Variants in ARMC2 observed in about 807,000 individuals in gnomAD.
The protein encoded by ARMC2 is armadillo repeat containing 2.
A neutral mutation model predicts 90.3 loss-of-function variants in ARMC2; 67 were observed. The observed-to-expected ratio is 0.74, with a 90% CI of 0.61 to 0.91. The LOEUF is 0.91. ARMC2 is among the 40% of genes least tolerant of loss of function. ARMC2 has a pLI of 0.00. For synonymous variants in ARMC2, 393 were observed against 393.0 expected, an observed-to-expected ratio of 1.00 and a Z score of 0.00; for missense variants, 920 against 1,030.9, an observed-to-expected ratio of 0.89 and a Z score of 1.47.
At chr6:109,020,372 A>T in the ARMC2 span, among the ~76,000 whole-genome samples, 1 of 152,220 alleles carries the variant, frequency 6.6e-6, no homozygotes, top group South Asian at 2.1e-4. Flanking sequence ...TCAAGTTACC[A>T]TTAAAATAAT....
intron 5 of ARMC2, among the ~76,000 whole-genome samples, chr6:108,884,153 A>T (rs1777854306): frequency 6.6e-6 from 1 of 152,194 alleles, no homozygotes; most frequent in South Asian, 2.1e-4. Flanking sequence ...TCTGTCCGAT[A>T]AGCGTTTCCT....
At chr6:109,041,003 A>C in the ARMC2 span, among the ~76,000 whole-genome samples, 4 of 152,084 alleles carry the variant, frequency 2.6e-5, no homozygotes, top group East Asian at 7.8e-4. Context: ...CAGAGTGTGC[A>C]TCATTTCAAA....
rs149728025 is a variant in ARMC2, at chr6:108,895,444, G to A, written c.748+901G>A. Among the ~76,000 whole-genome samples, 612 of 140,094 alleles carry A rather than the reference G, an allele frequency of 4.4e-3. 3 individuals are homozygous for A. The highest frequency in any genetic ancestry group is 0.015 in the African/African-American group (567 of 37,184). The allele number at this position is 140,094 out of a possible 152,430, so 91.9% of individuals were successfully genotyped here. A position where few individuals can be genotyped will look rare whatever the true frequency, so the allele number is the denominator to read the frequency against. On this transcript the variant is annotated intron_variant, in intron 6 of 17. Transcript: ENST00000392644. ...GTTTGCAGTGAGTCTAGACCACGCC[G>A]CTGCACTCCAGCCTGGGCGACAGAG...
intron 17 of ARMC2, among the ~76,000 whole-genome samples, chr6:108,971,443 CT>C (rs1778758688): frequency 6.6e-6 from 1 of 152,138 alleles, no homozygotes; most frequent in South Asian, 2.1e-4. Flanking sequence ...TAGTTGACCA[CT>C]TGGTTGTGAT....
At chr6:109,013,845 T>C in the ARMC2 span, among the ~76,000 whole-genome samples, 44 of 152,348 alleles carry the variant, frequency 2.9e-4, no homozygotes, top group African/African-American at 1.1e-3. Context: ...TACTTCTGCT[T>C]ACTAATTTTG....
intron 7 of ARMC2, among the ~76,000 whole-genome samples, chr6:108,901,600 A>G (rs1583055431): frequency 2.7e-5 from 4 of 149,378 alleles, no homozygotes; most frequent in Admixed American, 2.7e-4. Context: ...TATTTTTTGT[A>G]GAGATGGGAT....
chr6:109,009,036 C>T, the ARMC2 span: 2 of 984,816 alleles, frequency 2.0e-6, no homozygotes, highest in Non-Finnish European at 2.5e-6. Flanking sequence ...GGAGACTTGT[C>T]CAGACGACAA....
At chr6:109,032,346 C>T in the ARMC2 span, among the ~76,000 whole-genome samples, 2 of 152,084 alleles carry the variant, frequency 1.3e-5, no homozygotes, top group African/African-American at 2.4e-5. Flanking sequence ...AGGCTGGGCG[C>T]AGTGGCTCAC....
chr6:109,045,800 C>G, the ARMC2 span, among the ~76,000 whole-genome samples: 1 of 152,304 alleles, frequency 6.6e-6, no homozygotes, highest in East Asian at 1.9e-4. Context: ...CTGTGAGCTC[C>G]TTGAGAATGA....
chr6:108,894,358 G>A (rs1470648288), intron 5 of ARMC2, 109 bp from the exon 6 acceptor site: 19 of 909,976 alleles, frequency 2.1e-5, no homozygotes, highest in Non-Finnish European at 3.1e-5. Context: ...GACAGAGTGA[G>A]ACCTATCTCA....
At chr6:108,941,704 C>T (rs911477) in intron 12 of ARMC2, among the ~76,000 whole-genome samples, 87,511 of 151,976 alleles carry the variant, frequency 0.58, 25,826 homozygotes, top group East Asian at 0.88. Context: ...TGTAAATTCC[C>T]GGTTCTTCAG....
intron 4 of ARMC2, among the ~76,000 whole-genome samples, chr6:108,870,844 C>T (rs1776331061): frequency 6.6e-6 from 1 of 152,180 alleles, no homozygotes; most frequent in Non-Finnish European, 1.5e-5. Flanking sequence ...AAAGTTCTGT[C>T]CTCAGAGAGC....
chr6:108,981,036 G>GTA, the ARMC2 span, among the ~76,000 whole-genome samples: 67 of 152,302 alleles, frequency 4.4e-4, no homozygotes, highest in Middle Eastern at 3.4e-3. Context: ...GTAAGTATAT[G>GTA]CTGGTAGATT....
At chr6:108,893,238 G>A (rs979024943) in intron 5 of ARMC2, among the ~76,000 whole-genome samples, 3 of 152,104 alleles carry the variant, frequency 2.0e-5, no homozygotes, top group African/African-American at 7.2e-5. Context: ...ATCATCTGGG[G>A]ACTGTCCAAA....
chr6:109,035,894 A>G, the ARMC2 span, among the ~76,000 whole-genome samples: 1 of 152,174 alleles, frequency 6.6e-6, no homozygotes, highest in East Asian at 1.9e-4. Context: ...AGACGTGACC[A>G]CTGCACCACT....
At chr6:109,002,181 GT>G in the ARMC2 span, 3 of 1,045,522 alleles carry the variant, frequency 2.9e-6, no homozygotes, top group East Asian at 2.5e-5. Flanking sequence ...ACTAAAACAT[GT>G]TGTTGACCAA....
At chr6:108,960,847 G>A (rs1777950667) in intron 13 of ARMC2, among the ~76,000 whole-genome samples, 1 of 152,190 alleles carries the variant, frequency 6.6e-6, no homozygotes, top group African/African-American at 2.4e-5. Flanking sequence ...CAAGAGGCCA[G>A]GAGGCTGGTG....
the ARMC2 span, chr6:109,002,139 T>C: frequency 1.5e-6 from 1 of 646,494 alleles, no homozygotes; most frequent in South Asian, 2.0e-5. Flanking sequence ...ACAGATTCAC[T>C]GCCAAAGAAT....
chr6:108,849,245 CT>C (rs1258278241), intron 1 of ARMC2, among the ~76,000 whole-genome samples: 2 of 152,274 alleles, frequency 1.3e-5, no homozygotes, highest in East Asian at 3.9e-4. Flanking sequence ...AATAATTATA[CT>C]TTAATTTGGT....
Sources: gnomAD v4.1 joint callset for allele counts (sites outside exome capture counted in the v4.1 genomes callset) on GRCh38, gnomAD v4.1.1 for gene constraint, MANE v1.5 for transcripts, NCBI Gene and HGNC (gene_info 2026-07-23, HGNC 2026-07-21) for gene names.